EML4: variants seen among roughly 807,000 people sequenced by gnomAD.
EML4 encodes EMAP like 4, also known as echinoderm microtubule-associated protein-like 4.
EML4 carries 72 observed loss-of-function variants against 129.0 expected under a neutral mutation model. The observed-to-expected ratio is 0.56, with a 90% CI of 0.46 to 0.68. EML4 has a LOEUF of 0.68. EML4 is among the 30% of genes least tolerant of loss of function. The pLI is 0.00. For missense variants in EML4, 1,363 were observed against 1,190.6 expected (o/e 1.14, Z -2.13); for synonymous variants, 532 against 405.0 (o/e 1.31, Z -3.77).
intron 10 of EML4, among the ~76,000 whole-genome samples, chr2:42,287,536 A>G (rs967782192): frequency 1.3e-5 from 2 of 152,134 alleles, no homozygotes; most frequent in East Asian, 1.9e-4. Flanking sequence ...CTTCACTACA[A>G]TGTTTCTCTG....
chr2:42,246,751 A>C (rs1675426108), intron 2 of EML4, among the ~76,000 whole-genome samples: 1 of 152,224 alleles, frequency 6.6e-6, no homozygotes, highest in Admixed American at 6.5e-5. Flanking sequence ...GCAGTCCAGC[A>C]TAGTTCCACT....
intron 3 of EML4, among the ~76,000 whole-genome samples, chr2:42,257,092 T>C (rs567427604): frequency 1.3e-5 from 2 of 152,096 alleles, no homozygotes; most frequent in Non-Finnish European, 2.9e-5. Flanking sequence ...ATTTCAAAAA[T>C]ATAGTACTAT....
chr2:42,220,676 AATG>A (rs1361983791), intron 1 of EML4, among the ~76,000 whole-genome samples: 1 of 152,162 alleles, frequency 6.6e-6, no homozygotes, highest in South Asian at 2.1e-4. Context: ...AAAAGCTAGA[AATG>A]ATGAAGCTTA....
At chr2:42,311,784 T>G (rs1260016612) in intron 17 of EML4, among the ~76,000 whole-genome samples, 2 of 152,252 alleles carry the variant, frequency 1.3e-5, no homozygotes, top group Non-Finnish European at 2.9e-5. Context: ...ATGAGTTACA[T>G]TCTCAGAAGA....
chr2:42,315,815 C>T (rs1669215154), intron 17 of EML4, 147 bp from the exon 18 acceptor site: 4 of 596,010 alleles, frequency 6.7e-6, no homozygotes, highest in Non-Finnish European at 1.2e-5. Context: ...CCCAGAAGTT[C>T]AAGGCTGTGG....
At chr2:42,270,227 C>T (rs1396144866) in intron 6 of EML4, among the ~76,000 whole-genome samples, 1 of 152,130 alleles carries the variant, frequency 6.6e-6, no homozygotes, top group African/African-American at 2.4e-5. Context: ...CTCCTGTCCC[C>T]ACAATACCTT....
At chr2:42,310,317 C>CT (rs1668864214) in intron 17 of EML4, among the ~76,000 whole-genome samples, 13 of 151,640 alleles carry the variant, frequency 8.6e-5, no homozygotes, top group Non-Finnish European at 1.2e-4. Context: ...CTTCCCCTTT[C>CT]CCTTTCCCTT....
intron 6 of EML4, among the ~76,000 whole-genome samples, chr2:42,273,195 T>G (rs1360909689): frequency 6.6e-6 from 1 of 152,206 alleles, no homozygotes; most frequent in Non-Finnish European, 1.5e-5. Context: ...AGGATATAAG[T>G]GAATGAGTTG....
chr2:42,237,609 A>G (rs575254055), intron 1 of EML4, among the ~76,000 whole-genome samples: 1 of 152,270 alleles, frequency 6.6e-6, no homozygotes, highest in African/African-American at 2.4e-5. Context: ...TGCTTCCCCA[A>G]AAACCTGACT....
At chr2:42,181,901 G>A (rs1039103294) in intron 1 of EML4, among the ~76,000 whole-genome samples, 2 of 152,046 alleles carry the variant, frequency 1.3e-5, no homozygotes, top group Non-Finnish European at 2.9e-5. Context: ...TGGAGTCCTC[G>A]TCACAGTAGT....
intron 1 of EML4, among the ~76,000 whole-genome samples, chr2:42,194,701 G>T (rs1671799332): frequency 6.6e-6 from 1 of 151,664 alleles, no homozygotes; most frequent in Non-Finnish European, 1.5e-5. Context: ...TGTAGAGACG[G>T]TATTTTTACC....
At chr2:42,169,968 AC>A (rs1166262864) in intron 1 of EML4, 7 of 270,158 alleles carry the variant, frequency 2.6e-5, no homozygotes, top group South Asian at 1.3e-4. Context: ...CCCTCCACTT[AC>A]CCCCCTTCAG....
intron 17 of EML4, 110 bp downstream of exon 17, chr2:42,304,661 T>C (rs1668492010): frequency 3.6e-6 from 3 of 834,130 alleles, no homozygotes; most frequent in Admixed American, 1.9e-5. Flanking sequence ...GGCACACTAA[T>C]ATGCTTGTTG....
At chr2:42,247,644 T>C (rs1558537855) in intron 2 of EML4, among the ~76,000 whole-genome samples, 1 of 152,178 alleles carries the variant, frequency 6.6e-6, no homozygotes, top group Non-Finnish European at 1.5e-5. Context: ...TAAAGTGTTA[T>C]ATTATGCTTG....
intron 17 of EML4, among the ~76,000 whole-genome samples, chr2:42,304,793 C>T (rs771198442): frequency 1.1e-4 from 16 of 152,136 alleles, no homozygotes; most frequent in African/African-American, 1.4e-4. Context: ...AAATTCCTGT[C>T]CTGTGAAGCC....
At chr2:42,212,187 T>A (rs1307168549) in intron 1 of EML4, among the ~76,000 whole-genome samples, 1 of 152,184 alleles carries the variant, frequency 6.6e-6, no homozygotes, top group East Asian at 1.9e-4. Flanking sequence ...ATGGCTTTCT[T>A]TAAGCCTTGT....
intron 21 of EML4, among the ~76,000 whole-genome samples, 179 bp from the exon 22 acceptor site, chr2:42,328,707 A>G (rs1187944103): frequency 6.6e-6 from 1 of 152,212 alleles, no homozygotes; most frequent in Admixed American, 6.5e-5. Context: ...TTTGGACAGG[A>G]CTTGATTTGA....
chr2:42,291,823 CA>C (rs1049424227), intron 11 of EML4, among the ~76,000 whole-genome samples: 3 of 152,160 alleles, frequency 2.0e-5, no homozygotes, highest in African/African-American at 7.2e-5. Flanking sequence ...GTTTTTTAAA[CA>C]GCAAAAGACT....
At chr2:42,177,018 C>G (rs1171290177) in intron 1 of EML4, among the ~76,000 whole-genome samples, 1 of 152,098 alleles carries the variant, frequency 6.6e-6, no homozygotes, top group East Asian at 1.9e-4. Flanking sequence ...GTCTCAAACT[C>G]CTGACCTCAA....
Sources: allele counts gnomAD v4.1 joint callset (sites outside exome capture counted in the v4.1 genomes callset), GRCh38; gene constraint gnomAD v4.1.1; transcripts MANE v1.5; gene names NCBI Gene and HGNC (gene_info 2026-07-23, HGNC 2026-07-21).